The following CLCN6 variants were observed in gnomAD, a reference collection of about 807,000 sequenced individuals.
The protein encoded by CLCN6 is H(+)/Cl(-) exchange transporter 6.
Under a neutral mutation model 109.8 loss-of-function variants are expected in CLCN6, and 70 were observed. The ratio of observed to expected loss-of-function variants is 0.64; its 90% CI spans 0.53 to 0.78. The LOEUF (loss-of-function observed/expected upper bound fraction) is 0.78. CLCN6 is among the 30% of genes least tolerant of loss of function. CLCN6 has a pLI of 0.00. For missense variants in CLCN6, 984 were observed against 1,142.3 expected, an observed-to-expected ratio of 0.86 and a Z score of 2.00; for synonymous variants, 444 against 447.8, an observed-to-expected ratio of 0.99 and a Z score of 0.11.
chr1:11,813,597 G>A (rs1382544541), intron 2 of CLCN6, among the ~76,000 whole-genome samples: 1 of 152,036 alleles, frequency 6.6e-6, no homozygotes, highest in African/African-American at 2.4e-5. Context: ...CGCCATGTTG[G>A]CCGGGCTGGT....
In CLCN6 at chr1:11,829,209, C is replaced by T; in HGVS notation, c.1135C>T (p.Leu379Phe). The T allele has an allele frequency of 6.2e-7, 1 of 1,614,068 alleles. No homozygotes were observed. Among genetic ancestry groups the T allele is most frequent in the African/African-American group, 1.3e-5 (1 of 75,026 alleles). ...TTTGCCTCCTAGAGTCTTAGAGAGC[C>T]TCCTTGTGTCTCTGGTAACCACCGT... ...KPKLVRVLES[L>F]LVSLVTTVVV... Residue 379 changes from leucine (L) to phenylalanine (F), a missense_variant, in exon 13 of 23, where the codon CTC (leucine) becomes TTC (phenylalanine). Leu to Phe is a conservative substitution (Grantham distance 22, BLOSUM62 0). Coordinates refer to ENST00000346436, the MANE Select transcript of CLCN6 (RefSeq NM_001286.5).
At chr1:11,833,063 T>C (rs1490373543) in intron 13 of CLCN6, among the ~76,000 whole-genome samples, 1 of 151,994 alleles carries the variant, frequency 6.6e-6, no homozygotes, top group Non-Finnish European at 1.5e-5. Context: ...TCAAAGGCTT[T>C]TTCTATTTGG....
At chr1:11,826,952 A>G in intron 9 of CLCN6, 137 bp from the exon 10 acceptor site, 1 of 1,075,042 alleles carries the variant, frequency 9.3e-7, no homozygotes, top group Non-Finnish European at 1.3e-6. Flanking sequence ...AGGCTGCCTC[A>G]CCAGTGACCT....
In CLCN6 at chr1:11,834,240, A is replaced by T. The variant is rs773042242; in HGVS notation, c.1531A>T (p.Ile511Phe). 4 of 1,612,080 alleles carry T rather than the reference A, an allele frequency of 2.5e-6. No homozygotes were observed. The highest frequency in any genetic ancestry group is 3.4e-6 in the Non-Finnish European group (4 of 1,179,168). Reference protein sequence around the residue: ...RLVANVLKSYIGLGHIYSGTF... With the variant: ...RLVANVLKSYFGLGHIYSGTF... Reference sequence around the variant, plus strand: ...CTCGGTGTTTTCCTTCACTAGCTACATTGGATTGGGCCACATCTATTCGGG... The same window carrying T: ...CTCGGTGTTTTCCTTCACTAGCTACTTTGGATTGGGCCACATCTATTCGGG... Residue 511 changes from isoleucine to phenylalanine, a missense_variant, in exon 16 of 23, where the codon ATT becomes TTT. Transcript: ENST00000346436. This position sits in a 1 kb window ranked among gnomAD's most constrained non-coding sequence, Gnocchi z 4.5.
chr1:11,839,812 C>T (rs1338137144), intron 22 of CLCN6, among the ~76,000 whole-genome samples: 1 of 152,206 alleles, frequency 6.6e-6, no homozygotes, highest in African/African-American at 2.4e-5. Flanking sequence ...TGGCAGGGGT[C>T]ATAATCTCAG....
rs139154068 is a variant in CLCN6, at chr1:11,834,191, A to T, written c.1527-45A>T. 1.3e-5 allele frequency: 21 copies of T among 1,600,128 alleles called. No homozygotes were observed. The highest frequency in any genetic ancestry group is 1.7e-5 in the Non-Finnish European group (20 of 1,173,444). Reference sequence around the variant, plus strand: ...GAGCTGTAGGTCCTCCCCACAGCCTATCAGTGTGGTTCAAAGCCATGTTCT... The same window carrying T: ...GAGCTGTAGGTCCTCCCCACAGCCTTTCAGTGTGGTTCAAAGCCATGTTCT... On this transcript the variant is annotated intron_variant, in intron 15 of 22. Transcript: ENST00000346436. The surrounding 1 kb of genome is among the most constrained non-coding windows in gnomAD (Gnocchi z 4.5).
chr1:11,827,430 C>CTTTTTTTTTTTTTTTTTTTTTTTTTTTTT (rs59015951), intron 10 of CLCN6, among the ~76,000 whole-genome samples: 2 of 105,020 alleles, frequency 1.9e-5, no homozygotes, highest in Non-Finnish European at 3.7e-5. Flanking sequence ...ACCGCTGTTA[C>CTTTTTTTTTTTTTTTTTTTTTTTTTTTTT]TTTTTTTTTT....
At chr1:11,830,256 C>T (rs537081118) in intron 13 of CLCN6, 1 of 152,184 alleles carries the variant, frequency 6.6e-6, no homozygotes, top group Admixed American at 6.5e-5. Flanking sequence ...GATTCCAGCC[C>T]TTGGCTGCAG....
rs41275506 is a variant in CLCN6 at position 11,842,958 on chromosome 1, C to T, written c.*2735C>T. 5,737 of 152,350 alleles carry T rather than the reference C, an allele frequency of 0.038. 157 individuals carry two copies. The highest frequency in any genetic ancestry group is 0.075 in the Middle Eastern group (22 of 294). 9.4% of individuals were successfully genotyped at this position (152,350 alleles called of 1,614,324 possible). A position where few individuals can be genotyped will look rare whatever the true frequency, so the allele number is the denominator to read the frequency against. On this transcript the variant is annotated 3_prime_UTR_variant, in exon 23 of 23. Transcript: ENST00000346436. Reference sequence around the variant, plus strand: ...TGCGGACCTTGGCCATTGCCGCAGTCGCAGCTTCCTTTTTTCTGTTTGCAC... The same window carrying T: ...TGCGGACCTTGGCCATTGCCGCAGTTGCAGCTTCCTTTTTTCTGTTTGCAC...
At chr1:11,816,789 AC>A in intron 4 of CLCN6, 109 bp downstream of exon 4, 1 of 717,104 alleles carries the variant, frequency 1.4e-6, no homozygotes, top group Non-Finnish European at 2.3e-6. Context: ...AACATTTATA[AC>A]ATTATAATGC....
intron 3 of CLCN6, 122 bp from the exon 4 acceptor site, chr1:11,816,493 T>C: frequency 2.3e-6 from 2 of 867,640 alleles, no homozygotes; most frequent in Non-Finnish European, 3.7e-6. Context: ...AATCCCAACA[T>C]CATCTTTACT....
chr1:11,829,106 C>T (rs1284346626), intron 12 of CLCN6, 90 bp from the exon 13 acceptor site: 9 of 1,484,960 alleles, frequency 6.1e-6, no homozygotes, highest in African/African-American at 1.4e-5. Flanking sequence ...TTGGAGAAAT[C>T]GGGGCTGGGG....
At chr1:11,807,419 A>T (rs1269151987) in intron 2 of CLCN6, among the ~76,000 whole-genome samples, 1 of 152,234 alleles carries the variant, frequency 6.6e-6, no homozygotes, top group Non-Finnish European at 1.5e-5. Flanking sequence ...GTGGCACCTT[A>T]ACCTGGATAG....
rs951834591 is a variant in CLCN6 at position 11,842,179 on chromosome 1, C to T, written c.*1956C>T. 3.9e-5 allele frequency: 6 copies of T among 152,256 alleles called. No individual in the cohort carries two copies. The highest frequency in any genetic ancestry group is 1.4e-4 in the African/African-American group (6 of 41,460). 9.4% of individuals were successfully genotyped at this position (152,256 alleles called of 1,614,324 possible). ...GAGCTAACGCCCTGCAGGAGGACCC[C>T]GGCCTCTCGAGGGCTGGATCAGCAG... On this transcript the variant is annotated 3_prime_UTR_variant, in exon 23 of 23. Transcript: ENST00000346436.
chr1:11,834,075 CACGTGTGCGTGTGTATGCATGTGTGT>C lies in CLCN6; in HGVS notation c.1526+46_1526+71del, dbSNP rs767120406. The stretch of plus-strand genomic sequence containing the variant: ...GTGTGTGCGCATGTGCATGTGTGTG[CACGTGTGCGTGTGTATGCATGTGTGT>C]GCGTGTGCGTGCGTTGATGTGTCTG... On this transcript the variant is annotated intron_variant, in intron 15 of 22. Coordinates refer to ENST00000346436, the MANE Select transcript of CLCN6 (RefSeq NM_001286.5). The surrounding 1 kb of genome is among the most constrained non-coding windows in gnomAD (Gnocchi z 4.5). 1.9e-6 allele frequency: 3 copies of C among 1,604,930 alleles called. No individual in the cohort carries two copies. Among genetic ancestry groups the C allele is most frequent in the South Asian group, 2.2e-5 (2 of 90,306 alleles).
chr1:11,813,691 G>A (rs1430659404), intron 2 of CLCN6, among the ~76,000 whole-genome samples: 2 of 152,062 alleles, frequency 1.3e-5, no homozygotes, highest in African/African-American at 2.4e-5. Context: ...ACGCCCAGCC[G>A]ATCATTTTTT....
Position 11,827,087 on chromosome 1 carries a change from A to G in CLCN6, c.708-2A>G. On this transcript the variant is annotated splice_acceptor_variant, in intron 9 of 22. Transcript: ENST00000346436. LOFTEE classifies it high-confidence loss of function. ...GATAACCCGTCTCTCTCCTCTCCTC[A>G]GAGACAAGAGAGACTTTGTATCAGC... The G allele has an allele frequency of 6.2e-7, 1 of 1,613,600 alleles. No homozygotes were observed. Among genetic ancestry groups the G allele is most frequent in the Non-Finnish European group, 8.5e-7 (1 of 1,179,790 alleles).
chr1:11,833,003 T>C (rs1181082504), intron 13 of CLCN6, among the ~76,000 whole-genome samples: 1 of 149,136 alleles, frequency 6.7e-6, no homozygotes, highest in African/African-American at 2.5e-5. Context: ...GGTTTTCTTT[T>C]GCAGCAAATT....
At chr1:11,819,064 A>G (rs1644708809) in intron 4 of CLCN6, among the ~76,000 whole-genome samples, 1 of 152,242 alleles carries the variant, frequency 6.6e-6, no homozygotes. Context: ...AAAAACATTT[A>G]TGAGATTTTT....
Sources: allele counts gnomAD v4.1 joint callset (sites outside exome capture counted in the v4.1 genomes callset), GRCh38; gene constraint gnomAD v4.1.1; non-coding constraint Gnocchi (gnomAD v3.1); transcripts MANE v1.5; gene names NCBI Gene and HGNC (gene_info 2026-07-23, HGNC 2026-07-21).